Variants in CFAP44 observed in about 807,000 individuals in gnomAD.
CFAP44 encodes cilia and flagella associated protein 44.
Under a neutral mutation model 216.2 loss-of-function variants are expected in CFAP44, and 134 were observed. The observed-to-expected ratio is 0.62, with a 90% CI of 0.54 to 0.72. The LOEUF (loss-of-function observed/expected upper bound fraction) is 0.72. Ranked by LOEUF, CFAP44 falls within the 30% of genes least tolerant of loss-of-function variation. CFAP44 has a pLI of 0.00. For missense variants in CFAP44, 2,035 were observed against 2,182.1 expected (o/e 0.93, Z 1.34); for synonymous variants, 700 against 727.6 (o/e 0.96, Z 0.61).
intron 4 of CFAP44, among the ~76,000 whole-genome samples, chr3:113,425,615 A>T (rs930857465): frequency 2.0e-5 from 3 of 152,230 alleles, no homozygotes; most frequent in Admixed American, 6.5e-5. Flanking sequence ...CAAGAAGGGA[A>T]ATTGATTATG....
intron 6 of CFAP44, among the ~76,000 whole-genome samples, chr3:113,412,071 A>G (rs1934493890): frequency 6.6e-6 from 1 of 152,222 alleles, no homozygotes; most frequent in South Asian, 2.1e-4. Context: ...TGAATGGGCA[A>G]AAACTGGAAG....
At position 113,344,608 on chromosome 3, in the gene CFAP44, A is replaced by G; in HGVS notation, c.3170T>C (p.Phe1057Ser). The change falls in exon 23 of 35, where the codon TTC (phenylalanine) becomes TCC (serine). Residue 1057 changes from phenylalanine to serine, a missense_variant. Coordinates refer to ENST00000393845, the MANE Select transcript of CFAP44 (RefSeq NM_001164496.2). Reference sequence around the variant, plus strand: ...TCTCTCTGATTGACTAGCTCGTTTGAATTTGGAGTACTTAGAGGGCTGCAC... The same window carrying G: ...TCTCTCTGATTGACTAGCTCGTTTGGATTTGGAGTACTTAGAGGGCTGCAC... ...RLVQPSKYSK[F>S]KRASQSERKP... The G allele has an allele frequency of 6.5e-7, 1 of 1,537,040 alleles. No homozygotes were observed. The highest frequency in any genetic ancestry group is 8.7e-7 in the Non-Finnish European group (1 of 1,146,846).
Position 113,288,718 on chromosome 3 carries a change from T to C in CFAP44, c.*2839A>G, listed in dbSNP as rs916710229. 2.0e-5 allele frequency: 3 copies of C among 152,266 alleles called. No individual in the cohort carries two copies. The highest frequency in any genetic ancestry group is 1.3e-4 in the Admixed American group (2 of 15,286). 9.4% of individuals were successfully genotyped at this position (152,266 alleles called of 1,614,324 possible). ...TGCTTTCTGCACAGCACTGGAATCA[T>C]AGCACTCAATGGATTTAGCTCTAAA... is the stretch of plus-strand genomic sequence containing the variant. On this transcript the variant is annotated 3_prime_UTR_variant, in exon 35 of 35. Coordinates refer to ENST00000393845, the MANE Select transcript of CFAP44 (RefSeq NM_001164496.2).
At chr3:113,349,456 A>G (rs2107826741) in intron 22 of CFAP44, among the ~76,000 whole-genome samples, 1 of 152,336 alleles carries the variant, frequency 6.6e-6, no homozygotes, top group East Asian at 1.9e-4. Context: ...AGGCTTAGTC[A>G]TGGCCCTCAG....
rs1379880541 is a variant in CFAP44, at chr3:113,401,657, T to C, written c.1253A>G (p.Gln418Arg). 2 of 1,613,544 alleles carry C rather than the reference T, an allele frequency of 1.2e-6. No individual in the cohort carries two copies. The highest frequency in any genetic ancestry group is 1.7e-6 in the Non-Finnish European group (2 of 1,179,708). ...LLEIEPINEL[Q>R]VDKNVNLFSM... The stretch of plus-strand genomic sequence containing the variant: ...GAAGAGATTCACATTCTTGTCTACT[T>C]GAAGTTCATTAATAGGCTCAATCTC... The change falls in exon 10 of 35, where the codon CAA becomes CGA. Residue 418 changes from glutamine (Q) to arginine (R), a missense_variant. Physicochemically the swap from Gln to Arg is conservative, Grantham distance 43. This residue lies in a region of CFAP44 where 1,883 missense variants were observed against 2,023.7 expected (regional missense o/e 0.93). Coordinates refer to ENST00000393845, the MANE Select transcript of CFAP44 (RefSeq NM_001164496.2).
chr3:113,407,925 T>C (rs1934331828), intron 7 of CFAP44, among the ~76,000 whole-genome samples: 1 of 152,190 alleles, frequency 6.6e-6, no homozygotes. Context: ...AAATTAACTG[T>C]TCAATGTCTG....
intron 15 of CFAP44, among the ~76,000 whole-genome samples, chr3:113,393,448 G>A (rs1336028867): frequency 6.6e-6 from 1 of 152,084 alleles, no homozygotes; most frequent in African/African-American, 2.4e-5. Flanking sequence ...CCCTAGGTGG[G>A]GAAGGGGGTG....
At position 113,420,271 on chromosome 3, in the gene CFAP44, T is replaced by C. The variant is rs956210384; in HGVS notation, c.408-92A>G. On this transcript the variant is annotated intron_variant, in intron 4 of 34. Transcript: ENST00000393845. ...AAATAAATTTTTAAATCTATACTCT[T>C]AGATGAAGATGTGAGGTTGAAGTAG... 2.4e-6 allele frequency: 3 copies of C among 1,273,972 alleles called. No homozygotes were observed. The African/African-American group carries it at 4.6e-5, about 19-fold the overall frequency. 78.9% of individuals were successfully genotyped at this position (1,273,972 alleles called of 1,614,324 possible).
At chr3:113,398,547 T>A (rs1184609814) in intron 13 of CFAP44, among the ~76,000 whole-genome samples, 1 of 152,144 alleles carries the variant, frequency 6.6e-6, no homozygotes, top group Non-Finnish European at 1.5e-5. Context: ...TGGATTGTAG[T>A]TTTAAGACTT....
chr3:113,296,622 A>T, intron 33 of CFAP44, 103 bp downstream of exon 33: 1 of 1,356,700 alleles, frequency 7.4e-7, no homozygotes, highest in Non-Finnish European at 9.9e-7. Flanking sequence ...CTCGCGGACC[A>T]GCTCCAGCTA....
At chr3:113,296,001 C>T (rs905747318) in intron 33 of CFAP44, among the ~76,000 whole-genome samples, 1 of 152,178 alleles carries the variant, frequency 6.6e-6, no homozygotes, top group Non-Finnish European at 1.5e-5. Context: ...AGACCCATCA[C>T]CAGATAGCAA....
chr3:113,401,195 T>C, intron 11 of CFAP44, 45 bp downstream of exon 11: 2 of 1,515,100 alleles, frequency 1.3e-6, no homozygotes, highest in Non-Finnish European at 1.8e-6. Flanking sequence ...AACAAAAGTT[T>C]TTACTATGAA....
chr3:113,439,609 T>A (rs547223952), intron 1 of CFAP44, among the ~76,000 whole-genome samples: 13 of 152,232 alleles, frequency 8.5e-5, no homozygotes, highest in Non-Finnish European at 1.9e-4. Flanking sequence ...TACTCCCGAA[T>A]AAACATCATC....
intron 32 of CFAP44, 54 bp downstream of exon 32, chr3:113,303,862 T>G: frequency 2.6e-6 from 4 of 1,520,168 alleles, no homozygotes; most frequent in Non-Finnish European, 3.5e-6. Flanking sequence ...ACCTGGATAA[T>G]TCCCTTTCTT....
rs1950256595 is a variant in CFAP44 at position 113,333,410 on chromosome 3, G to A, written c.3611C>T (p.Ser1204Phe). Residue 1204 changes from serine to phenylalanine, a missense_variant, in exon 25 of 35, where the codon TCT (serine) becomes TTT (phenylalanine). This residue lies in a region of CFAP44 where 1,883 missense variants were observed against 2,023.7 expected (regional missense o/e 0.93). Coordinates refer to ENST00000393845, the MANE Select transcript of CFAP44 (RefSeq NM_001164496.2). ...ATAAAATCTGTAGATAAGTACCAAA[G>A]AATCTAGGTGTCCTAGTTCCTCTTC... ...KKEEELGHLD[S>F]LVHGNKRHMN... The A allele has an allele frequency of 6.5e-7, 1 of 1,536,598 alleles. No homozygotes were observed. Among genetic ancestry groups the A allele is most frequent in the South Asian group, 1.2e-5 (1 of 83,936 alleles).
Position 113,396,672 on chromosome 3 carries a change from A to G in CFAP44, c.1625T>C (p.Ile542Thr), listed in dbSNP as rs779631389. ...CCCTTTTGGATCATAAAGTTCAAGA[A>G]TTCGAACAACTCCATCTTCAAATCC... The part of the protein sequence containing the change: ...IVGFEDGVVR[I>T]LELYDPKGLT... Residue 542 changes from isoleucine (I) to threonine (T), a missense_variant, in exon 14 of 35, where the codon ATT (isoleucine) becomes ACT (threonine). Physicochemically the swap from Ile to Thr is moderately conservative, Grantham distance 89 (BLOSUM62 -1). Around this residue, in one of 3 missense-constraint regions of CFAP44, gnomAD observed 1,883 missense variants for 2,023.7 expected, o/e 0.93. Coordinates refer to ENST00000393845, the MANE Select transcript of CFAP44 (RefSeq NM_001164496.2). 1 of 1,614,118 alleles carries G rather than the reference A, an allele frequency of 6.2e-7. No individual in the cohort carries two copies. Among genetic ancestry groups the G allele is most frequent in the South Asian group, 1.1e-5 (1 of 91,084 alleles).
chr3:113,388,175 G>C (rs1232361615), intron 15 of CFAP44, among the ~76,000 whole-genome samples: 1 of 152,096 alleles, frequency 6.6e-6, no homozygotes, highest in Non-Finnish European at 1.5e-5. Flanking sequence ...AGAGACCTAG[G>C]GACTTGAGCA....
chr3:113,431,205 C>T (rs777883279), intron 2 of CFAP44, among the ~76,000 whole-genome samples: 14 of 152,076 alleles, frequency 9.2e-5, no homozygotes, highest in Admixed American at 2.6e-4. Context: ...GACCTCTTCA[C>T]GCAGCAACAA....
At chr3:113,433,210 C>T (rs867857594) in intron 2 of CFAP44, among the ~76,000 whole-genome samples, 1 of 151,890 alleles carries the variant, frequency 6.6e-6, no homozygotes, top group Non-Finnish European at 1.5e-5. Context: ...AGGTGGATCA[C>T]CTGAGGTCAG....
Sources: allele counts gnomAD v4.1 joint callset (sites outside exome capture counted in the v4.1 genomes callset), GRCh38; gene constraint gnomAD v4.1.1; regional missense constraint gnomAD v4.1.1; transcripts MANE v1.5; gene names NCBI Gene and HGNC (gene_info 2026-07-23, HGNC 2026-07-21).